The following C9orf43 variants were observed in gnomAD, a reference collection of about 807,000 sequenced individuals.
C9orf43 encodes the protein uncharacterized protein C9orf43.
C9orf43 carries 45 observed loss-of-function variants against 59.1 expected under a neutral mutation model. That is an observed-to-expected ratio of 0.76 (90% CI 0.60 to 0.98). The LOEUF is 0.98. Ranked by LOEUF, C9orf43 falls within the 50% of genes least tolerant of loss-of-function variation. C9orf43 has a pLI of 0.00. For synonymous variants in C9orf43, 203 were observed against 196.8 expected (o/e 1.03, Z -0.26); for missense variants, 533 against 554.9 (o/e 0.96, Z 0.40).
intron 3 of C9orf43, 91 bp downstream of exon 3, chr9:113,413,985 T>C: frequency 7.2e-7 from 1 of 1,394,538 alleles, no homozygotes; most frequent in Non-Finnish European, 9.7e-7. Context: ...TTGAGAAAGC[T>C]AGATTAAAAA....
chr9:113,411,096 G>C, intron 1 of C9orf43, 95 bp downstream of exon 1: 1 of 985,412 alleles, frequency 1.0e-6, no homozygotes, highest in Non-Finnish European at 1.2e-6. Flanking sequence ...GCCATATAGA[G>C]ATGCGCCTGA....
At chr9:113,412,142 A>G (rs987185052) in intron 1 of C9orf43, among the ~76,000 whole-genome samples, 1 of 152,214 alleles carries the variant, frequency 6.6e-6, no homozygotes, top group Admixed American at 6.5e-5. Context: ...TAGAGACCAT[A>G]AGGTCTGGTG....
intron 2 of C9orf43, 51 bp downstream of exon 2, chr9:113,413,695 A>G (rs1200622299): frequency 1.9e-6 from 3 of 1,611,772 alleles, no homozygotes; most frequent in Admixed American, 1.7e-5. Flanking sequence ...TAACGTATTT[A>G]TGTATGTGGC....
chr9:113,412,955 C>G (rs1293907272), intron 1 of C9orf43, among the ~76,000 whole-genome samples: 1 of 152,216 alleles, frequency 6.6e-6, no homozygotes, highest in East Asian at 1.9e-4. Context: ...TGAAACATGT[C>G]TTCCAGAAGT....
chr9:113,412,501 A>G (rs1325171721), intron 1 of C9orf43, among the ~76,000 whole-genome samples: 1 of 152,210 alleles, frequency 6.6e-6, no homozygotes, highest in East Asian at 1.9e-4. Context: ...AAAGAAAGAA[A>G]TGGACACTGT....
intron 3 of C9orf43, among the ~76,000 whole-genome samples, chr9:113,415,086 C>A (rs1344669489): frequency 6.6e-6 from 1 of 152,036 alleles, no homozygotes; most frequent in Non-Finnish European, 1.5e-5. Context: ...CCCGCCTCAG[C>A]CTCCCAAAGT....
chr9:113,425,598 T>G (rs768060619), intron 10 of C9orf43, 45 bp from the exon 11 acceptor site: 3 of 1,589,408 alleles, frequency 1.9e-6, no homozygotes, highest in Non-Finnish European at 2.6e-6. Flanking sequence ...AAAGTTTTCT[T>G]TACTTCCAAA....
At chr9:113,422,228 A>C (rs1171883713) in intron 5 of C9orf43, among the ~76,000 whole-genome samples, 1 of 152,192 alleles carries the variant, frequency 6.6e-6, no homozygotes, top group Non-Finnish European at 1.5e-5. Context: ...TACAGACATA[A>C]CCACACCTAC....
chr9:113,417,612 C>T (rs528962035), intron 3 of C9orf43, among the ~76,000 whole-genome samples: 1 of 152,338 alleles, frequency 6.6e-6, no homozygotes, highest in East Asian at 1.9e-4. Flanking sequence ...GCACTGTCTT[C>T]TGTGTAAGTG....
At chr9:113,414,442 T>A (rs1446381143) in intron 3 of C9orf43, among the ~76,000 whole-genome samples, 1 of 140,104 alleles carries the variant, frequency 7.1e-6, no homozygotes, top group Non-Finnish European at 1.6e-5. Context: ...GCCTGGTTAA[T>A]TTTTTTTTTT....
intron 9 of C9orf43, 76 bp downstream of exon 9, chr9:113,425,152 C>T: frequency 2.0e-6 from 3 of 1,504,334 alleles, no homozygotes; most frequent in Non-Finnish European, 2.8e-6. Context: ...TAACGTGGTC[C>T]AATTCAGTTA....
intron 1 of C9orf43, among the ~76,000 whole-genome samples, chr9:113,411,301 TC>T (rs1828131822): frequency 6.6e-6 from 1 of 150,672 alleles, no homozygotes; most frequent in African/African-American, 2.4e-5. Context: ...CAATGGCGTT[TC>T]TTTTTTTTTT....
At chr9:113,420,004 A>C (rs530554601) in intron 4 of C9orf43, among the ~76,000 whole-genome samples, 268 of 152,302 alleles carry the variant, frequency 1.8e-3, no homozygotes, top group Admixed American at 5.2e-3. Context: ...CTGAGATGGT[A>C]GATGGTTTTG....
chr9:113,412,404 CTG>C (rs1237800769), intron 1 of C9orf43, among the ~76,000 whole-genome samples: 1 of 152,208 alleles, frequency 6.6e-6, no homozygotes, highest in Non-Finnish European at 1.5e-5. Flanking sequence ...AATTATGAAA[CTG>C]TTTAGAACAG....
intron 11 of C9orf43, among the ~76,000 whole-genome samples, chr9:113,427,775 CAT>C (rs1828843227): frequency 6.6e-6 from 1 of 152,290 alleles, no homozygotes; most frequent in South Asian, 2.1e-4. Flanking sequence ...GCAAAAGAAA[CAT>C]AAAACTAGAG....
At chr9:113,424,969 A>G in intron 8 of C9orf43, 50 bp from the exon 9 acceptor site, 1 of 1,518,790 alleles carries the variant, frequency 6.6e-7, no homozygotes, top group Non-Finnish European at 9.0e-7. Flanking sequence ...CATTTGGAGA[A>G]AGGGAAAGAC....
At chr9:113,424,063 C>T in intron 7 of C9orf43, 103 bp from the exon 8 acceptor site, 1 of 1,400,752 alleles carries the variant, frequency 7.1e-7, no homozygotes, top group East Asian at 2.3e-5. Flanking sequence ...CTTTTCAGAC[C>T]CAAAGTGGAA....
intron 8 of C9orf43, among the ~76,000 whole-genome samples, chr9:113,424,580 T>C (rs1828715310): frequency 6.6e-6 from 1 of 151,516 alleles, no homozygotes; most frequent in African/African-American, 2.4e-5. Flanking sequence ...CAGGGTGTAG[T>C]GCAGTGGTTG....
chr9:113,426,758 C>T (rs944460700), intron 11 of C9orf43, among the ~76,000 whole-genome samples: 2 of 152,132 alleles, frequency 1.3e-5, no homozygotes, highest in Admixed American at 1.3e-4. Flanking sequence ...CGTTCTGGTG[C>T]CTTTTGTACC....
Sources: allele counts gnomAD v4.1 joint callset (sites outside exome capture counted in the v4.1 genomes callset), GRCh38; gene constraint gnomAD v4.1.1; transcripts MANE v1.5; gene names NCBI Gene and HGNC (gene_info 2026-07-23, HGNC 2026-07-21).